Variants in KIAA0586 observed in about 807,000 individuals in gnomAD.
KIAA0586 encodes protein TALPID3.
KIAA0586 carries 144 observed loss-of-function variants against 169.8 expected under a neutral mutation model. That is an observed-to-expected ratio of 0.85 (90% CI 0.74 to 0.97). KIAA0586 has a LOEUF of 0.97. Among genes scored for constraint, KIAA0586 ranks in the 50% least tolerant of loss-of-function variants. The pLI, the probability that KIAA0586 is intolerant of heterozygous loss-of-function variation, is 0.00. For missense variants in KIAA0586, 1,854 were observed against 1,823.0 expected, an observed-to-expected ratio of 1.02 and a Z score of -0.31; for synonymous variants, 625 against 612.4, an observed-to-expected ratio of 1.02 and a Z score of -0.30.
intron 29 of KIAA0586, among the ~76,000 whole-genome samples, chr14:58,527,727 A>T (rs1014324840): frequency 2.0e-5 from 3 of 152,234 alleles, no homozygotes; most frequent in Admixed American, 1.3e-4. Context: ...GGCAAGGAAA[A>T]ACTTGCACCA....
At chr14:58,476,880 A>C (rs367556187) in intron 19 of KIAA0586, among the ~76,000 whole-genome samples, 23 of 152,022 alleles carry the variant, frequency 1.5e-4, no homozygotes, top group African/African-American at 5.6e-4. Context: ...AATGGTCTTG[A>C]ACTCCTGAGC....
Position 58,490,195 on chromosome 14 carries a change from C to A in KIAA0586, c.3813C>A (p.Asn1271Lys), listed in dbSNP as rs1160924805. 4 of 1,535,290 alleles carry A rather than the reference C, an allele frequency of 2.6e-6. No individual in the cohort carries two copies. In the East Asian group the frequency reaches 9.6e-5, roughly 37 times the overall value. The change falls in exon 25 of 31, where the codon AAC (asparagine) becomes AAA (lysine). Residue 1271 changes from asparagine to lysine, a missense_variant. Coordinates refer to ENST00000652326, the MANE Select transcript of KIAA0586 (RefSeq NM_001329943.3). ...ILEDIGLYLT[N>K]LNDSLSSTLH... The stretch of plus-strand genomic sequence containing the variant: ...AAGATATAGGACTGTACCTGACAAA[C>A]CTTAATGATAGCTTATCCAGCACTC...
intron 16 of KIAA0586, 44 bp downstream of exon 16, chr14:58,467,966 T>C (rs946372196): frequency 7.0e-7 from 1 of 1,418,872 alleles, no homozygotes; most frequent in Non-Finnish European, 9.5e-7. Flanking sequence ...GAAGAAAAAA[T>C]TTTTTTGCTT....
At chr14:58,499,004 C>A (rs777199888) in intron 27 of KIAA0586, 44 bp downstream of exon 27, 3 of 1,483,950 alleles carry the variant, frequency 2.0e-6, no homozygotes, top group Non-Finnish European at 1.8e-6. Flanking sequence ...TAGTAGTATC[C>A]CTAATCTGAG....
chr14:58,436,702 T>TA (rs1455681012), intron 4 of KIAA0586, among the ~76,000 whole-genome samples: 1 of 152,226 alleles, frequency 6.6e-6, no homozygotes, highest in African/African-American at 2.4e-5. Context: ...TGTATATACA[T>TA]ACACACAGAA....
the KIAA0586 span, among the ~76,000 whole-genome samples, chr14:58,558,395 TG>T: frequency 6.6e-6 from 1 of 152,226 alleles, no homozygotes; most frequent in African/African-American, 2.4e-5. Flanking sequence ...ACTTTTCAGT[TG>T]ACATTTTATG....
the KIAA0586 span, among the ~76,000 whole-genome samples, chr14:58,556,635 T>C: frequency 1.3e-5 from 2 of 152,242 alleles, no homozygotes; most frequent in Non-Finnish European, 2.9e-5. Flanking sequence ...TACTTTTGTT[T>C]ATTTTTGAAT....
At chr14:58,467,710 T>G in intron 15 of KIAA0586, 25 bp from the exon 16 acceptor site, 1 of 1,555,552 alleles carries the variant, frequency 6.4e-7, no homozygotes, top group Non-Finnish European at 8.7e-7. Context: ...ACTAGTTGAC[T>G]TATTTTTTCT....
In KIAA0586 at chr14:58,470,823, A is replaced by G. The variant is rs2041157473; in HGVS notation, c.2553+100A>G. The G allele has an allele frequency of 8.1e-6, 5 of 614,868 alleles. No homozygotes were observed. In the South Asian group the frequency reaches 9.8e-5, roughly 12 times the overall value. 38.1% of individuals were successfully genotyped at this position (614,868 alleles called of 1,614,324 possible). ...GCCTTTTATCATAATGATAACTTAT[A>G]ATAATTTAGATTTTGAAGAAAAGAT... On this transcript the variant is annotated intron_variant, in intron 17 of 30. Transcript: ENST00000652326.
chr14:58,514,691 C>A (rs757189078), intron 29 of KIAA0586, among the ~76,000 whole-genome samples: 12 of 151,952 alleles, frequency 7.9e-5, no homozygotes, highest in Non-Finnish European at 1.5e-4. Context: ...ATTGTTCTGA[C>A]AAATGGTATC....
chr14:58,489,968 T>A (rs1378096199), intron 24 of KIAA0586, among the ~76,000 whole-genome samples, 196 bp from the exon 25 acceptor site: 1 of 152,190 alleles, frequency 6.6e-6, no homozygotes, highest in African/African-American at 2.4e-5. Context: ...TTAAACAAAA[T>A]TCTCATCTTT....
rs1370456957 is a variant in KIAA0586 at position 58,448,373 on chromosome 14, A to G, written c.841A>G (p.Ser281Gly). ...HFISAALKTSSFQPVSMPSSR... is the reference protein window; with the variant it reads ...HFISAALKTSGFQPVSMPSSR... ...TATTAGTGCTGCACTCAAGACTAGT[A>G]GTTTTCAGCCTGTTAGTATGCCCTC... Residue 281 changes from serine to glycine, a missense_variant, in exon 7 of 31, where the codon AGT (serine) becomes GGT (glycine). Transcript: ENST00000652326. 1.7e-5 allele frequency: 28 copies of G among 1,603,196 alleles called. No homozygotes were observed. Among genetic ancestry groups the G allele is most frequent in the Non-Finnish European group, 2.4e-5 (28 of 1,171,064 alleles).
intron 4 of KIAA0586, among the ~76,000 whole-genome samples, chr14:58,438,071 A>T (rs1303699678): frequency 6.6e-6 from 1 of 152,218 alleles, no homozygotes; most frequent in Non-Finnish European, 1.5e-5. Flanking sequence ...TTGAGCAAGC[A>T]GGATTCTTAG....
At chr14:58,492,311 A>G in intron 26 of KIAA0586, 36 bp downstream of exon 26, 1 of 1,505,166 alleles carries the variant, frequency 6.6e-7, no homozygotes, top group East Asian at 2.5e-5. Context: ...TTTTGGTTAG[A>G]TCTAAATACA....
chr14:58,450,045 CT>C (rs2039231739), intron 7 of KIAA0586, among the ~76,000 whole-genome samples: 1 of 152,076 alleles, frequency 6.6e-6, no homozygotes, highest in Admixed American at 6.6e-5. Flanking sequence ...ATAATTTTAA[CT>C]TGTAATGACT....
At chr14:58,489,528 G>A (rs2042700885) in intron 24 of KIAA0586, among the ~76,000 whole-genome samples, 2 of 151,596 alleles carry the variant, frequency 1.3e-5, no homozygotes, top group African/African-American at 4.8e-5. Context: ...CCTGAAACCT[G>A]AATTTTTTTT....
intron 20 of KIAA0586, among the ~76,000 whole-genome samples, chr14:58,477,570 A>T (rs537346853): frequency 1.6e-4 from 25 of 152,244 alleles, no homozygotes; most frequent in Admixed American, 6.5e-4. Context: ...TTATACTATA[A>T]ATTACTCAGG....
At chr14:58,499,716 G>A (rs1181361952) in intron 27 of KIAA0586, among the ~76,000 whole-genome samples, 1 of 151,814 alleles carries the variant, frequency 6.6e-6, no homozygotes, top group African/African-American at 2.4e-5. Context: ...CTGCCACCAT[G>A]CCCAGCTAAT....
chr14:58,468,803 A>G (rs901755836), intron 16 of KIAA0586, among the ~76,000 whole-genome samples: 2 of 152,232 alleles, frequency 1.3e-5, no homozygotes, highest in Non-Finnish European at 2.9e-5. Context: ...CAACTCCTGT[A>G]TTCGTCTTAC....
Sources: allele counts gnomAD v4.1 joint callset (sites outside exome capture counted in the v4.1 genomes callset), GRCh38; gene constraint gnomAD v4.1.1; transcripts MANE v1.5; gene names NCBI Gene and HGNC (gene_info 2026-07-23, HGNC 2026-07-21).